KYAT3: variants seen among roughly 807,000 people sequenced by gnomAD.
The protein encoded by KYAT3 is kynurenine--oxoglutarate transaminase 3.
In KYAT3, 50 loss-of-function variants were observed where a neutral mutation model predicts 59.0. That is an observed-to-expected ratio of 0.85 (90% confidence interval 0.68 to 1.07). KYAT3 has a LOEUF of 1.07. Among genes scored for constraint, KYAT3 ranks in the 50% least tolerant of loss-of-function variants. The pLI, the probability that KYAT3 is intolerant of heterozygous loss-of-function variation, is 0.00. For synonymous variants in KYAT3, 148 were observed against 177.0 expected (o/e 0.84, Z 1.30); for missense variants, 497 against 533.3 (o/e 0.93, Z 0.67).
intron 8 of KYAT3, among the ~76,000 whole-genome samples, chr1:88,960,826 T>G (rs554370869): frequency 4.1e-4 from 62 of 152,224 alleles, no homozygotes; most frequent in Admixed American, 3.9e-4. Context: ...TTGTTCAGCA[T>G]AGACCGTCTA....
At chr1:88,949,969 G>A (rs1260247859) in intron 10 of KYAT3, among the ~76,000 whole-genome samples, 23 of 152,270 alleles carry the variant, frequency 1.5e-4, no homozygotes, top group Admixed American at 1.3e-3. Context: ...GTATTAGGAG[G>A]TGGGGCCTTT....
In KYAT3 at chr1:88,955,142, A is replaced by C. The variant is rs12095620; in HGVS notation, c.864+7T>G. 9,975 of 1,577,570 alleles carry C rather than the reference A, an allele frequency of 6.3e-3. 448 individuals carry two copies. The African/African-American group carries it at 0.11, about 17-fold the overall frequency. ...TTTTTAAGCAATTAAATTCTTACTC[A>C]TCTTACCTTCCAGCCAGTTACACTG... On this transcript the variant is annotated splice_region_variant and intron_variant, in intron 9 of 13. Coordinates refer to ENST00000260508, the MANE Select transcript of KYAT3 (RefSeq NM_001008661.3).
At chr1:88,935,191 T>C (rs1473544285), downstream of KYAT3, among the ~76,000 whole-genome samples, 2 of 149,762 alleles carry the variant, frequency 1.3e-5, no homozygotes, top group Admixed American at 6.7e-5. Flanking sequence ...TTAGTAGACA[T>C]GGGGCTTCAC....
intron 13 of KYAT3, among the ~76,000 whole-genome samples, chr1:88,938,961 G>A (rs1358838618): frequency 6.6e-6 from 1 of 152,208 alleles, no homozygotes; most frequent in Non-Finnish European, 1.5e-5. Flanking sequence ...ACTTGTAGAG[G>A]TAGAATTGTT....
chr1:88,953,705 C>A (rs1043085462), intron 9 of KYAT3, among the ~76,000 whole-genome samples: 1 of 152,060 alleles, frequency 6.6e-6, no homozygotes, highest in Non-Finnish European at 1.5e-5. Context: ...AAACAGCCGG[C>A]GATCATTATT....
chr1:88,970,546 C>T (rs1487289227), intron 2 of KYAT3, among the ~76,000 whole-genome samples: 1 of 152,050 alleles, frequency 6.6e-6, no homozygotes, highest in African/African-American at 2.4e-5. Context: ...ATAATAAGAC[C>T]TTCTAAAAAT....
At chr1:88,923,043 G>A in the KYAT3 span, among the ~76,000 whole-genome samples, 2 of 152,156 alleles carry the variant, frequency 1.3e-5, no homozygotes, top group Non-Finnish European at 2.9e-5. Flanking sequence ...AATGGAGCTT[G>A]GTGAAAGATT....
At chr1:88,970,186 C>A (rs1676501533) in intron 2 of KYAT3, among the ~76,000 whole-genome samples, 1 of 152,148 alleles carries the variant, frequency 6.6e-6, no homozygotes, top group Non-Finnish European at 1.5e-5. Flanking sequence ...GTATGACATA[C>A]AGGAAAGACT....
At chr1:88,949,947 C>A (rs1207168422) in intron 10 of KYAT3, among the ~76,000 whole-genome samples, 1 of 151,984 alleles carries the variant, frequency 6.6e-6, no homozygotes, top group East Asian at 1.9e-4. Flanking sequence ...AATAGTAAAC[C>A]CCAAGGTGAT....
At chr1:88,982,704 C>G in intron 2 of KYAT3, 2 of 1,613,890 alleles carry the variant, frequency 1.2e-6, no homozygotes, top group Non-Finnish European at 1.7e-6. Flanking sequence ...CCTCCAGGGC[C>G]AGCACCTCTT....
At position 88,953,070 on chromosome 1, in the gene KYAT3, G is replaced by A; in HGVS notation, c.947C>T (p.Pro316Leu). The change falls in exon 10 of 14, where the codon CCT becomes CTT. Residue 316 changes from proline (P) to leucine (L), a missense_variant. Around this residue, in one of 2 missense-constraint regions of KYAT3, gnomAD observed 469 missense variants for 479.1 expected, o/e 0.98. Coordinates refer to ENST00000260508, the MANE Select transcript of KYAT3 (RefSeq NM_001008661.3). Reference sequence around the variant, plus strand: ...AGTTACTATAACACTTACCTGTAAAGGAGTTGCACAAGTATAAATCGTGTT... The same window carrying A: ...AGTTACTATAACACTTACCTGTAAAAGAGTTGCACAAGTATAAATCGTGTT... ...QQNTIYTCAT[P>L]LQEALAQAFW... 1 of 1,600,422 alleles carries A rather than the reference G, an allele frequency of 6.2e-7. No homozygotes were observed. Among genetic ancestry groups the A allele is most frequent in the East Asian group, 2.2e-5 (1 of 44,776 alleles).
At chr1:88,965,036 A>G in intron 4 of KYAT3, 58 bp from the exon 5 acceptor site, 2 of 1,311,516 alleles carry the variant, frequency 1.5e-6, no homozygotes, top group South Asian at 2.8e-5. Flanking sequence ...CTACTGTTTG[A>G]GGTAATATGG....
At chr1:88,945,748 T>G (rs1015086421) in intron 11 of KYAT3, among the ~76,000 whole-genome samples, 1 of 152,236 alleles carries the variant, frequency 6.6e-6, no homozygotes, top group African/African-American at 2.4e-5. Context: ...TTTGTTTTTA[T>G]CTCTAGTTTA....
At chr1:88,943,323 A>T in intron 12 of KYAT3, 27 bp downstream of exon 12, 1 of 1,317,922 alleles carries the variant, frequency 7.6e-7, no homozygotes, top group African/African-American at 1.5e-5. Context: ...AATATAACAG[A>T]ATCTTGCAAA....
intron 8 of KYAT3, among the ~76,000 whole-genome samples, chr1:88,957,168 C>T (rs1378382138): frequency 1.3e-5 from 2 of 152,032 alleles, no homozygotes; most frequent in Non-Finnish European, 2.9e-5. Context: ...GCATATAAAT[C>T]AGAAAAGTTA....
chr1:88,989,361 A>G (rs1009233264), intron 1 of KYAT3, among the ~76,000 whole-genome samples: 3 of 152,252 alleles, frequency 2.0e-5, no homozygotes, highest in Non-Finnish European at 4.4e-5. Context: ...AGATTAAAGC[A>G]GAATTCAATC....
chr1:88,992,646 C>G (rs1373185435), upstream of KYAT3: 1 of 152,744 alleles, frequency 6.5e-6, no homozygotes, highest in Non-Finnish European at 1.5e-5. Flanking sequence ...GAGGGCCCGG[C>G]TGGGCGGGAT....
At chr1:88,943,849 T>A (rs1031394755) in intron 11 of KYAT3, among the ~76,000 whole-genome samples, 7 of 152,176 alleles carry the variant, frequency 4.6e-5, no homozygotes, top group African/African-American at 1.7e-4. Flanking sequence ...TCCACAAAAG[T>A]AAAGTGTCTG....
At chr1:88,978,598 A>G (rs1256244119) in intron 2 of KYAT3, among the ~76,000 whole-genome samples, 1 of 152,020 alleles carries the variant, frequency 6.6e-6, no homozygotes, top group East Asian at 1.9e-4. Context: ...CCCAAGTTGA[A>G]GTCATCCTCC....
Sources: allele counts gnomAD v4.1 joint callset (sites outside exome capture counted in the v4.1 genomes callset), GRCh38; gene constraint gnomAD v4.1.1; regional missense constraint gnomAD v4.1.1; transcripts MANE v1.5; gene names NCBI Gene and HGNC (gene_info 2026-07-23, HGNC 2026-07-21).